The following FSTL4 variants were observed in gnomAD, a reference collection of about 807,000 sequenced individuals.
FSTL4 encodes the protein follistatin like 4, also known as follistatin-related protein 4.
FSTL4 carries 28 observed loss-of-function variants against 78.2 expected under a neutral mutation model. The ratio of observed to expected loss-of-function variants is 0.36; its 90% confidence interval spans 0.27 to 0.49. FSTL4 has a LOEUF of 0.49. FSTL4 is among the 20% of genes least tolerant of loss of function. The probability of loss-of-function intolerance (pLI) is 0.98; values close to 1 mark genes in which losing one functional copy is unlikely to be tolerated. For missense variants in FSTL4, 922 were observed against 1,084.9 expected (o/e 0.85, Z 2.11); for synonymous variants, 422 against 440.5 (o/e 0.96, Z 0.53).
At chr5:133,410,275 C>T (rs1020397208) in intron 3 of FSTL4, among the ~76,000 whole-genome samples, 3 of 152,196 alleles carry the variant, frequency 2.0e-5, no homozygotes, top group Non-Finnish European at 4.4e-5. Context: ...CTCTTCAGCT[C>T]GCATCTGTCT....
chr5:133,365,975 A>T (rs1755173894), intron 4 of FSTL4, among the ~76,000 whole-genome samples: 1 of 152,130 alleles, frequency 6.6e-6, no homozygotes. Context: ...CCCCTTGCAG[A>T]CAGGGACTGC....
chr5:133,739,921 C>T, the FSTL4 span, among the ~76,000 whole-genome samples: 17,933 of 141,724 alleles, frequency 0.13, 1,255 homozygotes, highest in Admixed American at 0.25. Flanking sequence ...TTGACAGTGT[C>T]TTGCTTTATC....
At chr5:133,582,434 G>A (rs944760722) in intron 2 of FSTL4, among the ~76,000 whole-genome samples, 1 of 152,190 alleles carries the variant, frequency 6.6e-6, no homozygotes, top group Non-Finnish European at 1.5e-5. Flanking sequence ...TCTGGTAGCT[G>A]CTGTCCACTT....
chr5:133,452,903 G>A (rs1406092993), intron 3 of FSTL4, among the ~76,000 whole-genome samples: 1 of 152,258 alleles, frequency 6.6e-6, no homozygotes, highest in Admixed American at 6.5e-5. Flanking sequence ...ACTCTGTGCA[G>A]TGTCCCATTT....
At chr5:133,487,629 G>A (rs72667116) in intron 3 of FSTL4, among the ~76,000 whole-genome samples, 1,937 of 152,186 alleles carry the variant, frequency 0.013, 55 homozygotes, top group East Asian at 0.12. Flanking sequence ...AGTTGATGAC[G>A]AGTCCTCTCT....
chr5:133,825,740 G>A, the FSTL4 span, among the ~76,000 whole-genome samples: 8 of 152,196 alleles, frequency 5.3e-5, no homozygotes, highest in Admixed American at 2.6e-4. Context: ...CAGGGAGCAC[G>A]GAGGATGTCC....
the FSTL4 span, among the ~76,000 whole-genome samples, chr5:133,801,303 A>T: frequency 5.9e-5 from 9 of 152,096 alleles, no homozygotes; most frequent in Non-Finnish European, 2.9e-5. Context: ...GCCGAAGAAC[A>T]CGTGTTTATT....
the FSTL4 span, among the ~76,000 whole-genome samples, chr5:133,679,763 C>A: frequency 6.6e-5 from 10 of 152,206 alleles, no homozygotes; most frequent in East Asian, 1.9e-3. Context: ...CACATGGCCT[C>A]CTGCTTGTTC....
At chr5:133,638,692 C>T in the FSTL4 span, among the ~76,000 whole-genome samples, 1 of 152,180 alleles carries the variant, frequency 6.6e-6, no homozygotes, top group Non-Finnish European at 1.5e-5. Flanking sequence ...CACTTACTGT[C>T]TTTCAGCATA....
chr5:133,834,959 T>C, the FSTL4 span, among the ~76,000 whole-genome samples: 6 of 152,132 alleles, frequency 3.9e-5, no homozygotes, highest in Non-Finnish European at 5.9e-5. Flanking sequence ...TTTTTTCTGA[T>C]TATTCTACAC....
intron 3 of FSTL4, among the ~76,000 whole-genome samples, chr5:133,530,620 A>G (rs111259002): frequency 6.7e-4 from 102 of 152,346 alleles, no homozygotes; most frequent in African/African-American, 2.3e-3. Context: ...TGGAGAACAT[A>G]TGAGTTTAGC....
the FSTL4 span, among the ~76,000 whole-genome samples, chr5:133,837,127 T>C: frequency 1.3e-3 from 199 of 152,116 alleles, 3 homozygotes; most frequent in African/African-American, 4.5e-3. Context: ...TTCCTATCAT[T>C]TTTTTTCTGT....
chr5:133,222,482 G>C (rs1751172042), intron 11 of FSTL4, among the ~76,000 whole-genome samples: 1 of 152,174 alleles, frequency 6.6e-6, no homozygotes, highest in Non-Finnish European at 1.5e-5. Context: ...CTAGGGGCCA[G>C]AGGGGTCAAA....
At chr5:133,561,093 TAA>T (rs1374433209) in intron 3 of FSTL4, among the ~76,000 whole-genome samples, 1 of 36,846 alleles carries the variant, frequency 2.7e-5, no homozygotes, top group East Asian at 3.9e-4. Flanking sequence ...GGACTCAAAA[TAA>T]TAATAATAAT....
chr5:133,308,065 C>T (rs565168126), intron 6 of FSTL4, among the ~76,000 whole-genome samples: 1 of 152,220 alleles, frequency 6.6e-6, no homozygotes, highest in Non-Finnish European at 1.5e-5. Context: ...CAGGCGTGAG[C>T]CACCGTGCCC....
chr5:133,387,330 A>T (rs527303001), intron 4 of FSTL4, among the ~76,000 whole-genome samples: 1 of 152,314 alleles, frequency 6.6e-6, no homozygotes, highest in African/African-American at 2.4e-5. Context: ...GCCTCTCAGT[A>T]AACACCAACT....
Position 133,608,631 on chromosome 5 carries a change from G to T in FSTL4, c.-11+3694C>A, listed in dbSNP as rs187618245. ...GATTTTGCTTTTCTCAATGCTGAAG[G>T]ACCTCCACTAGATTGTCTACCTCCT... On this transcript the variant is annotated intron_variant, in intron 1 of 15. Transcript: ENST00000265342. 5.3e-5 allele frequency among the ~76,000 whole-genome samples: 8 copies of T among 152,328 alleles called. No homozygotes were observed. In the East Asian group the frequency reaches 7.7e-4, roughly 15 times the overall value.
At chr5:133,484,923 C>G (rs1758102219) in intron 3 of FSTL4, among the ~76,000 whole-genome samples, 1 of 152,184 alleles carries the variant, frequency 6.6e-6, no homozygotes, top group Non-Finnish European at 1.5e-5. Context: ...TATTAGGTAA[C>G]AGTTCTTATT....
chr5:133,636,395 T>A, the FSTL4 span, among the ~76,000 whole-genome samples: 34 of 151,854 alleles, frequency 2.2e-4, no homozygotes, highest in Non-Finnish European at 2.1e-4. Flanking sequence ...GTGGGCTCTT[T>A]GAGGACATAG....
Sources: gnomAD v4.1 joint callset for allele counts (sites outside exome capture counted in the v4.1 genomes callset) on GRCh38, gnomAD v4.1.1 for gene constraint, MANE v1.5 for transcripts, NCBI Gene and HGNC (gene_info 2026-07-23, HGNC 2026-07-21) for gene names.